MCHR2: variants seen among roughly 807,000 people sequenced by gnomAD.
MCHR2 encodes melanin concentrating hormone receptor 2.
Under a neutral mutation model 24.8 loss-of-function variants are expected in MCHR2, and 15 were observed. That is an observed-to-expected ratio of 0.60 (90% CI 0.40 to 0.93). The LOEUF (loss-of-function observed/expected upper bound fraction) is 0.93. MCHR2 is among the 40% of genes least tolerant of loss of function. The pLI, the probability that MCHR2 is intolerant of heterozygous loss-of-function variation, is 0.00. For synonymous variants in MCHR2, 151 were observed against 147.6 expected (o/e 1.02, Z -0.17); for missense variants, 386 against 408.7 (o/e 0.94, Z 0.48).
intron 1 of MCHR2, among the ~76,000 whole-genome samples, chr6:99,964,864 AATC>A (rs1391057650): frequency 5.3e-5 from 8 of 152,152 alleles, no homozygotes; most frequent in Admixed American, 5.2e-4. Context: ...ATGGATCTAA[AATC>A]ATAAGGAAGG....
intron 1 of MCHR2, among the ~76,000 whole-genome samples, chr6:99,961,468 C>T (rs1174345805): frequency 1.3e-5 from 2 of 152,108 alleles, no homozygotes; most frequent in East Asian, 3.9e-4. Flanking sequence ...AAATGTCCAT[C>T]AAGGATAGAC....
At chr6:99,929,654 T>C (rs922799557) in intron 5 of MCHR2, among the ~76,000 whole-genome samples, 2 of 152,102 alleles carry the variant, frequency 1.3e-5, no homozygotes, top group African/African-American at 4.8e-5. Flanking sequence ...GAGACTAGGA[T>C]TGCAACCCCT....
Position 99,959,038 on chromosome 6 carries a change from G to A in MCHR2, c.-27-2864C>T, listed in dbSNP as rs911069163. Reference sequence around the variant, plus strand: ...TGCTGCTTGGCAGTATCTTCCTTAGGAGGAGTGAAGATTGGAGCATATATG... The same window carrying A: ...TGCTGCTTGGCAGTATCTTCCTTAGAAGGAGTGAAGATTGGAGCATATATG... On this transcript the variant is annotated intron_variant, in intron 1 of 5. Coordinates refer to ENST00000281806, the MANE Select transcript of MCHR2 (RefSeq NM_001040179.2). Among the ~76,000 whole-genome samples, 10 of 152,132 alleles carry A rather than the reference G, an allele frequency of 6.6e-5. 1 individual carries two copies. In the East Asian group the frequency reaches 1.9e-3, roughly 29 times the overall value.
rs1774183923 is a variant in MCHR2, at chr6:99,919,657, T to A, written c.*1283A>T. 6.6e-6 allele frequency among the ~76,000 whole-genome samples: 1 copy of A among 152,072 alleles called. No homozygotes were observed. The highest frequency in any genetic ancestry group is 2.4e-5 in the African/African-American group (1 of 41,440). On this transcript the variant is annotated 3_prime_UTR_variant, in exon 6 of 6. Transcript: ENST00000281806. ...TACCTATGAAAATTTAAGGGCTAAT[T>A]ACTTTTTGTACCTTAGAACAAACAT...
intron 1 of MCHR2, among the ~76,000 whole-genome samples, chr6:99,967,500 T>A (rs560763179): frequency 8.2e-4 from 125 of 152,290 alleles, no homozygotes; most frequent in African/African-American, 2.7e-3. Context: ...TTTTTTAACA[T>A]AAACCCTAAA....
intron 1 of MCHR2, among the ~76,000 whole-genome samples, chr6:99,984,736 A>C (rs9484534): frequency 0.02 from 3,031 of 152,254 alleles, 99 homozygotes; most frequent in African/African-American, 0.069. Flanking sequence ...GAATGTGGAA[A>C]AGTTAAAAGC....
chr6:99,951,906 G>A (rs545426640), intron 2 of MCHR2, among the ~76,000 whole-genome samples: 4 of 152,224 alleles, frequency 2.6e-5, no homozygotes, highest in African/African-American at 9.6e-5. Context: ...CTGACAGGGA[G>A]ATGAGGGCAG....
chr6:99,935,324 T>C (rs1037702152), intron 4 of MCHR2, among the ~76,000 whole-genome samples: 5 of 152,054 alleles, frequency 3.3e-5, no homozygotes, highest in Non-Finnish European at 7.4e-5. Flanking sequence ...TTTATTAAAG[T>C]GTATCTTTGT....
chr6:99,953,745 T>C (rs1487738791), intron 2 of MCHR2, among the ~76,000 whole-genome samples: 18 of 152,108 alleles, frequency 1.2e-4, no homozygotes, highest in Admixed American at 1.1e-3. Flanking sequence ...AATAGGTATT[T>C]ACTAATAGAT....
At chr6:99,959,373 T>A (rs1462149372) in intron 1 of MCHR2, among the ~76,000 whole-genome samples, 1 of 151,892 alleles carries the variant, frequency 6.6e-6, no homozygotes, top group African/African-American at 2.4e-5. Flanking sequence ...CTATGCTGCT[T>A]GGTGAAGATG....
chr6:99,986,207 CT>C (rs982172091), intron 1 of MCHR2, among the ~76,000 whole-genome samples: 93 of 152,166 alleles, frequency 6.1e-4, no homozygotes, highest in African/African-American at 2.1e-3. Flanking sequence ...AAAAGGAATA[CT>C]TTTACATTGT....
rs915553511 is a variant in MCHR2 at position 99,943,098 on chromosome 6, T to C, written c.438A>G (p.Thr146=). The part of the protein sequence containing the change: ...VQPFRLTRWR[T]RYKTIRINLG... ...AATTGATCCGGATGGTCTTGTACCT[T>C]GTTCTCCAACGTGTCAGTCGAAATG... is the stretch of plus-strand genomic sequence containing the variant. Residue 146 remains threonine, a synonymous_variant, in exon 4 of 6, where the codon ACA becomes ACG. Transcript: ENST00000281806. 2 of 1,609,298 alleles carry C rather than the reference T, an allele frequency of 1.2e-6. No individual in the cohort carries two copies. Among genetic ancestry groups the C allele is most frequent in the Admixed American group, 1.7e-5 (1 of 59,804 alleles).
intron 1 of MCHR2, among the ~76,000 whole-genome samples, chr6:99,970,594 T>G (rs1238217076): frequency 6.6e-6 from 1 of 152,232 alleles, no homozygotes; most frequent in African/African-American, 2.4e-5. Flanking sequence ...TTTTGGCTTT[T>G]GTTGCCTTTG....
chr6:99,954,858 A>C (rs1479090021), intron 2 of MCHR2, among the ~76,000 whole-genome samples: 1 of 152,204 alleles, frequency 6.6e-6, no homozygotes, highest in Non-Finnish European at 1.5e-5. Context: ...AAAATTATTC[A>C]AAATATTACA....
chr6:99,948,610 T>C (rs900329783), intron 2 of MCHR2, among the ~76,000 whole-genome samples: 5 of 152,124 alleles, frequency 3.3e-5, no homozygotes, highest in Non-Finnish European at 7.4e-5. Flanking sequence ...TCCATGACCA[T>C]TGGACACACG....
At chr6:99,974,968 T>G (rs1006980761) in intron 1 of MCHR2, among the ~76,000 whole-genome samples, 1 of 152,158 alleles carries the variant, frequency 6.6e-6, no homozygotes, top group Non-Finnish European at 1.5e-5. Flanking sequence ...CCATGTGAGG[T>G]GTCAGTCTGC....
chr6:99,929,106 A>G (rs1371357439), intron 5 of MCHR2, among the ~76,000 whole-genome samples: 2 of 152,134 alleles, frequency 1.3e-5, no homozygotes, highest in East Asian at 3.9e-4. Flanking sequence ...CCCAGTAGTC[A>G]TTCAGGAGCA....
At chr6:99,954,907 A>G (rs1181117605) in intron 2 of MCHR2, among the ~76,000 whole-genome samples, 2 of 152,168 alleles carry the variant, frequency 1.3e-5, no homozygotes, top group Non-Finnish European at 2.9e-5. Context: ...GGTATAAGTG[A>G]GACATAATGA....
At chr6:99,931,561 C>G (rs1774539762) in intron 5 of MCHR2, among the ~76,000 whole-genome samples, 2 of 152,168 alleles carry the variant, frequency 1.3e-5, no homozygotes, top group Non-Finnish European at 2.9e-5. Context: ...CCCTCCCCCA[C>G]CCTCGCTGCC....
Sources: gnomAD v4.1 joint callset for allele counts (sites outside exome capture counted in the v4.1 genomes callset) on GRCh38, gnomAD v4.1.1 for gene constraint, MANE v1.5 for transcripts, NCBI Gene and HGNC (gene_info 2026-07-23, HGNC 2026-07-21) for gene names.